CDKL5: variants seen among roughly 807,000 people sequenced by gnomAD.
The protein encoded by CDKL5 is cyclin-dependent kinase-like 5.
A neutral mutation model predicts 61.7 loss-of-function variants in CDKL5; 8 were observed. The ratio of observed to expected loss-of-function variants is 0.13; its 90% CI spans 0.08 to 0.23. The LOEUF (loss-of-function observed/expected upper bound fraction) is 0.23. Among genes scored for constraint, CDKL5 ranks in the 10% least tolerant of loss-of-function variants. The pLI is 1.00. For synonymous variants in CDKL5, 275 were observed against 272.3 expected (o/e 1.01, Z -0.10); for missense variants, 440 against 734.5 (o/e 0.60, Z 4.63).
At chrX:18,477,244 T>C (rs960956584) in intron 1 of CDKL5, among the ~76,000 whole-genome samples, 1 of 110,758 alleles carries the variant, frequency 9.0e-6, no homozygotes, top group Non-Finnish European at 1.9e-5. Flanking sequence ...TTTTTGTATT[T>C]TTAGTAGAGA....
intron 3 of CDKL5, among the ~76,000 whole-genome samples, chrX:18,517,258 G>A (rs926248626): frequency 4.5e-5 from 5 of 110,632 alleles, no homozygotes; most frequent in Admixed American, 3.9e-4. Flanking sequence ...TCGTTTCCCC[G>A]CTCACTTCTA....
intron 1 of CDKL5, among the ~76,000 whole-genome samples, chrX:18,475,091 T>A (rs941056736): frequency 2.8e-5 from 3 of 108,304 alleles, no homozygotes; most frequent in Non-Finnish European, 5.7e-5. Context: ...CCTGAGTAGC[T>A]AGGATTACAG....
intron 1 of CDKL5, among the ~76,000 whole-genome samples, chrX:18,433,568 T>C (rs1233410357): frequency 8.9e-6 from 1 of 112,580 alleles, no homozygotes; most frequent in Non-Finnish European, 1.9e-5. Context: ...AAAAAAATTT[T>C]CACACACAGT....
downstream of CDKL5, among the ~76,000 whole-genome samples, chrX:18,643,887 C>T (rs961266142): frequency 1.8e-4 from 20 of 110,724 alleles, no homozygotes; most frequent in Admixed American, 1.8e-3. Flanking sequence ...GTGAAGAAGA[C>T]TTCTGTCTCA....
At chrX:18,496,630 T>C (rs1922182866) in intron 1 of CDKL5, among the ~76,000 whole-genome samples, 1 of 111,684 alleles carries the variant, frequency 9.0e-6, no homozygotes, top group Non-Finnish European at 1.9e-5. Context: ...AAGAAATATA[T>C]TTTGGGGTAA....
intron 1 of CDKL5, among the ~76,000 whole-genome samples, chrX:18,481,898 G>A (rs1921594848): frequency 9.0e-6 from 1 of 110,513 alleles, no homozygotes. Context: ...CAGAGGCTGC[G>A]AGGGGTGGCA....
At chrX:18,610,005 A>G (rs1244827197) in intron 14 of CDKL5, among the ~76,000 whole-genome samples, 1 of 112,188 alleles carries the variant, frequency 8.9e-6, no homozygotes, top group Non-Finnish European at 1.9e-5. Context: ...ATAATTATAT[A>G]GAGCAGTAAA....
chrX:18,551,251 T>C (rs868355147), intron 3 of CDKL5, among the ~76,000 whole-genome samples: 1 of 111,157 alleles, frequency 9.0e-6, no homozygotes, highest in Non-Finnish European at 1.9e-5. Context: ...TTTTAAGTGA[T>C]TCATCTTGAA....
intron 1 of CDKL5, among the ~76,000 whole-genome samples, chrX:18,428,350 C>G (rs187968314): frequency 2.6e-4 from 29 of 112,202 alleles, no homozygotes; most frequent in Admixed American, 1.7e-3. Context: ...GAGAAATTGG[C>G]TGTAAGAAAT....
chrX:18,582,847 C>T (rs1382357881), intron 7 of CDKL5, among the ~76,000 whole-genome samples: 1 of 111,301 alleles, frequency 9.0e-6, no homozygotes, highest in Non-Finnish European at 1.9e-5. Flanking sequence ...ATGTGTAGCT[C>T]TTGTCACTCA....
intron 1 of CDKL5, among the ~76,000 whole-genome samples, chrX:18,476,242 G>A (rs191549339): frequency 5.1e-4 from 57 of 110,948 alleles, no homozygotes; most frequent in African/African-American, 1.8e-3. Flanking sequence ...GAGATGGGGG[G>A]TTTCACTGTG....
chrX:18,628,218 C>A (rs1236342408), intron 17 of CDKL5, among the ~76,000 whole-genome samples, 153 bp from the exon 18 acceptor site: 1 of 111,351 alleles, frequency 9.0e-6, no homozygotes, highest in Non-Finnish European at 1.9e-5. Flanking sequence ...TTTGAAAAAA[C>A]CCGAAGAACA....
chrX:18,528,237 A>ATT (rs749197887), intron 3 of CDKL5, among the ~76,000 whole-genome samples: 65 of 68,402 alleles, frequency 9.5e-4, no homozygotes, highest in East Asian at 3.6e-3. Context: ...ACCCATACTC[A>ATT]TTTTTTTTTT....
At chrX:18,519,082 C>T (rs17247100) in intron 3 of CDKL5, among the ~76,000 whole-genome samples, 5,790 of 110,988 alleles carry the variant, frequency 0.052, 166 homozygotes, top group Middle Eastern at 0.11. Flanking sequence ...GAAACTTGAT[C>T]CAGGAAGCCC....
intron 3 of CDKL5, among the ~76,000 whole-genome samples, chrX:18,529,842 A>G (rs1177078752): frequency 1.6e-5 from 1 of 63,485 alleles, no homozygotes; most frequent in African/African-American, 6.0e-5. Context: ...ATCTTTTGGT[A>G]TTTATTCTGC....
chrX:18,509,197 G>GCACGCGCGCGCGCGCGCACACACACACA (rs1204561636), intron 2 of CDKL5, among the ~76,000 whole-genome samples: 2 of 64,308 alleles, frequency 3.1e-5, no homozygotes, highest in Admixed American at 4.9e-4. Context: ...CTCAAAACAC[G>GCACGCGCGCGCGCGCGCACACACACACA]CACACACACA....
chrX:18,465,080 C>G (rs1415241211), intron 1 of CDKL5, among the ~76,000 whole-genome samples: 1 of 111,065 alleles, frequency 9.0e-6, no homozygotes, highest in African/African-American at 3.3e-5. Context: ...CTGTAATCCA[C>G]CTGAAGTTAG....
chrX:18,581,865 A>T, intron 6 of CDKL5, 26 bp from the exon 7 acceptor site: 2 of 984,137 alleles, frequency 2.0e-6, no homozygotes, highest in Non-Finnish European at 2.8e-6. Flanking sequence ...ATTTTTACTA[A>T]TTTTTTTTTT....
intron 1 of CDKL5, among the ~76,000 whole-genome samples, chrX:18,488,620 C>A (rs1444113753): frequency 2.7e-5 from 3 of 111,775 alleles, no homozygotes; most frequent in Admixed American, 9.5e-5. Flanking sequence ...ATGGCTAGTG[C>A]TTTAATCAGT....
Sources: gnomAD v4.1 joint callset for allele counts (sites outside exome capture counted in the v4.1 genomes callset) on GRCh38, gnomAD v4.1.1 for gene constraint, MANE v1.5 for transcripts, NCBI Gene and HGNC (gene_info 2026-07-23, HGNC 2026-07-21) for gene names.